Variants in PLXDC2 observed in about 807,000 individuals in gnomAD.
PLXDC2 encodes plexin domain-containing protein 2.
In PLXDC2, 40 loss-of-function variants were observed where a neutral mutation model predicts 68.9. The observed-to-expected ratio is 0.58, with a 90% CI of 0.45 to 0.76. PLXDC2 has a LOEUF of 0.76. Among genes scored for constraint, PLXDC2 ranks in the 30% least tolerant of loss-of-function variants. The pLI, the probability that PLXDC2 is intolerant of heterozygous loss-of-function variation, is 0.00. For synonymous variants in PLXDC2, 243 were observed against 234.2 expected, an observed-to-expected ratio of 1.04 and a Z score of -0.34; for missense variants, 644 against 661.9, an observed-to-expected ratio of 0.97 and a Z score of 0.30.
At chr10:20,133,202 T>A (rs1589646364) in intron 4 of PLXDC2, among the ~76,000 whole-genome samples, 2 of 152,336 alleles carry the variant, frequency 1.3e-5, no homozygotes, top group South Asian at 4.1e-4. Context: ...AATACCTTTG[T>A]CTTTAAACTT....
At chr10:20,167,018 C>T (rs1053218684) in intron 7 of PLXDC2, among the ~76,000 whole-genome samples, 2 of 152,098 alleles carry the variant, frequency 1.3e-5, no homozygotes, top group African/African-American at 2.4e-5. Context: ...AGAAAAATGT[C>T]CCTCACACAA....
At chr10:19,964,727 C>A (rs1487309081) in intron 1 of PLXDC2, among the ~76,000 whole-genome samples, 1 of 151,796 alleles carries the variant, frequency 6.6e-6, no homozygotes, top group Non-Finnish European at 1.5e-5. Context: ...TGAGGGCAGG[C>A]ACCATTTGTT....
chr10:20,251,431 T>C (rs1173181734), intron 13 of PLXDC2, among the ~76,000 whole-genome samples: 1 of 152,186 alleles, frequency 6.6e-6, no homozygotes, highest in African/African-American at 2.4e-5. Context: ...AAGATCTTGA[T>C]GAAACTAGTA....
At chr10:19,968,448 G>T (rs1476332846) in intron 1 of PLXDC2, among the ~76,000 whole-genome samples, 1 of 152,122 alleles carries the variant, frequency 6.6e-6, no homozygotes. Flanking sequence ...GAGTCGCTGG[G>T]ACTACAGGCG....
chr10:20,279,133 AAG>A (rs1260378417), intron 13 of PLXDC2, among the ~76,000 whole-genome samples: 1 of 152,238 alleles, frequency 6.6e-6, no homozygotes, highest in Non-Finnish European at 1.5e-5. Context: ...TTCAAGCACA[AAG>A]AAATCATAGA....
At chr10:19,834,659 G>A (rs1437617180) in intron 1 of PLXDC2, among the ~76,000 whole-genome samples, 1 of 152,180 alleles carries the variant, frequency 6.6e-6, no homozygotes, top group Non-Finnish European at 1.5e-5. Flanking sequence ...TGTTTCGAAA[G>A]GACTGAGATG....
At chr10:20,114,547 G>C (rs1213574114) in intron 4 of PLXDC2, among the ~76,000 whole-genome samples, 1 of 152,220 alleles carries the variant, frequency 6.6e-6, no homozygotes, top group African/African-American at 2.4e-5. Context: ...AACTCAGTGT[G>C]AGAAGACCTG....
intron 4 of PLXDC2, among the ~76,000 whole-genome samples, chr10:20,132,896 C>T (rs1833886716): frequency 6.6e-6 from 1 of 151,872 alleles, no homozygotes; most frequent in Non-Finnish European, 1.5e-5. Flanking sequence ...TTTTATAGCC[C>T]TTTTCTTCTT....
intron 1 of PLXDC2, among the ~76,000 whole-genome samples, chr10:19,922,929 T>C (rs967409323): frequency 2.6e-4 from 40 of 152,212 alleles, no homozygotes; most frequent in African/African-American, 9.2e-4. Context: ...CCTTTGAGCC[T>C]CTCAAATGCA....
chr10:19,875,628 C>T (rs916388971), intron 1 of PLXDC2, among the ~76,000 whole-genome samples: 20 of 152,208 alleles, frequency 1.3e-4, no homozygotes, highest in African/African-American at 4.8e-4. Flanking sequence ...TGTTCAATCT[C>T]TTCCCAGAAT....
At chr10:20,187,583 TTA>T (rs1834703471) in intron 9 of PLXDC2, among the ~76,000 whole-genome samples, 3 of 151,816 alleles carry the variant, frequency 2.0e-5, no homozygotes, top group Non-Finnish European at 4.4e-5. Context: ...AGCACATAAT[TTA>T]CTTCAAAGCT....
chr10:20,201,054 A>G (rs948695754), intron 9 of PLXDC2, among the ~76,000 whole-genome samples: 5 of 152,130 alleles, frequency 3.3e-5, no homozygotes, highest in African/African-American at 7.2e-5. Context: ...GGAAATCAGT[A>G]TATTAAAGAG....
At chr10:19,840,162 G>A (rs1836875718) in intron 1 of PLXDC2, among the ~76,000 whole-genome samples, 1 of 152,042 alleles carries the variant, frequency 6.6e-6, no homozygotes, top group African/African-American at 2.4e-5. Flanking sequence ...GTTTTGGATT[G>A]ACAGTTAATA....
rs576923785 is a variant in PLXDC2, at chr10:19,831,270, C to T, written c.112+14079C>T. ...CCATTCTGATATTACATATTCAATTCTTGTACCTGGGTCTTATTTTTCTCA... is the reference window on the plus strand; with the variant it reads ...CCATTCTGATATTACATATTCAATTTTTGTACCTGGGTCTTATTTTTCTCA... On this transcript the variant is annotated intron_variant, in intron 1 of 13. Transcript: ENST00000377252. Among the ~76,000 whole-genome samples, 3 of 152,084 alleles carry T rather than the reference C, an allele frequency of 2.0e-5. No homozygotes were observed. The South Asian group carries it at 6.2e-4, about 32-fold the overall frequency.
At chr10:19,859,019 CGAGA>C (rs60326474) in intron 1 of PLXDC2, among the ~76,000 whole-genome samples, 7,421 of 130,858 alleles carry the variant, frequency 0.057, 457 homozygotes, top group African/African-American at 0.16. Flanking sequence ...AGAAAAGCAG[CGAGA>C]GAGAGAGAGA....
At position 20,154,052 on chromosome 10, in the gene PLXDC2, C is replaced by CA. The variant is rs201218215; in HGVS notation, c.783+6159dup. ...TAAATGAAAGAACCTGTACATAGGC[C>CA]AAAAAAAAACCGGATCCTTTCTTAA... On this transcript the variant is annotated intron_variant, in intron 6 of 13. Transcript: ENST00000377252. Among the ~76,000 whole-genome samples, 602 of 149,146 alleles carry CA rather than the reference C, an allele frequency of 4.0e-3. 3 individuals carry two copies. Among genetic ancestry groups the CA allele is most frequent in the East Asian group, 0.017 (85 of 5,100 alleles).
chr10:19,954,335 A>G (rs1186428391), intron 1 of PLXDC2, among the ~76,000 whole-genome samples: 2 of 152,218 alleles, frequency 1.3e-5, no homozygotes, highest in Admixed American at 1.3e-4. Context: ...CTCTAAGCCA[A>G]TTTTGTGTAA....
intron 1 of PLXDC2, among the ~76,000 whole-genome samples, chr10:19,986,912 G>T (rs1337351804): frequency 6.6e-6 from 1 of 152,218 alleles, no homozygotes; most frequent in Non-Finnish European, 1.5e-5. Flanking sequence ...AAGGCAAATA[G>T]TGATTTCTGT....
intron 1 of PLXDC2, among the ~76,000 whole-genome samples, chr10:19,939,975 T>A (rs1487009308): frequency 6.6e-6 from 1 of 151,898 alleles, no homozygotes; most frequent in Non-Finnish European, 1.5e-5. Context: ...TCCATTGGTA[T>A]GGTTGGCTTT....
Sources: gnomAD v4.1 joint callset for allele counts (sites outside exome capture counted in the v4.1 genomes callset) on GRCh38, gnomAD v4.1.1 for gene constraint, MANE v1.5 for transcripts, NCBI Gene and HGNC (gene_info 2026-07-23, HGNC 2026-07-21) for gene names.